GMDS: variants seen among roughly 807,000 people sequenced by gnomAD.
The protein encoded by GMDS is GDP-mannose 4,6-dehydratase.
Under a neutral mutation model 49.9 loss-of-function variants are expected in GMDS, and 20 were observed. That is an observed-to-expected ratio of 0.40 (90% CI 0.28 to 0.58). GMDS has a LOEUF of 0.58. Among genes scored for constraint, GMDS ranks in the 20% least tolerant of loss-of-function variants. The pLI is 0.42. For synonymous variants in GMDS, 177 were observed against 178.6 expected (o/e 0.99, Z 0.07); for missense variants, 362 against 481.4 (o/e 0.75, Z 2.32).
At chr6:1,824,771 A>G (rs1771039606) in intron 7 of GMDS, among the ~76,000 whole-genome samples, 1 of 152,142 alleles carries the variant, frequency 6.6e-6, no homozygotes, top group Non-Finnish European at 1.5e-5. Flanking sequence ...CCTATTAAGT[A>G]CCTGGTACTT....
intron 1 of GMDS, among the ~76,000 whole-genome samples, chr6:2,235,903 G>T (rs949639940): frequency 1.3e-5 from 2 of 151,924 alleles, no homozygotes; most frequent in African/African-American, 2.4e-5. Context: ...CAAACAAATG[G>T]TGTTGGGAGC....
At chr6:1,654,191 C>T (rs1306466044) in intron 9 of GMDS, among the ~76,000 whole-genome samples, 3 of 152,296 alleles carry the variant, frequency 2.0e-5, no homozygotes, top group Admixed American at 2.0e-4. Context: ...TAATGGAAAA[C>T]GAGTATGGTA....
chr6:1,644,057 G>C (rs1459816600), intron 9 of GMDS, among the ~76,000 whole-genome samples: 2 of 152,140 alleles, frequency 1.3e-5, no homozygotes, highest in Non-Finnish European at 2.9e-5. Flanking sequence ...CGCTGTGACT[G>C]ACATTGCCCC....
intron 7 of GMDS, among the ~76,000 whole-genome samples, chr6:1,760,834 G>C (rs1768128816): frequency 6.6e-6 from 1 of 152,090 alleles, no homozygotes; most frequent in South Asian, 2.1e-4. Context: ...CCACTATGAG[G>C]AGTATCTGAG....
intron 7 of GMDS, among the ~76,000 whole-genome samples, chr6:1,773,422 G>A (rs1238334635): frequency 6.6e-6 from 1 of 152,240 alleles, no homozygotes; most frequent in East Asian, 1.9e-4. Context: ...TGTTAGGCAT[G>A]AAATACATGT....
chr6:1,892,391 G>A (rs1759911611), intron 7 of GMDS, among the ~76,000 whole-genome samples: 2 of 152,026 alleles, frequency 1.3e-5, no homozygotes, highest in South Asian at 2.1e-4. Flanking sequence ...ATGGAATCTC[G>A]CTCTGTTGCC....
At chr6:1,901,063 G>A (rs1381886991) in intron 7 of GMDS, among the ~76,000 whole-genome samples, 1 of 152,220 alleles carries the variant, frequency 6.6e-6, no homozygotes, top group Non-Finnish European at 1.5e-5. Flanking sequence ...GAACGGCGAA[G>A]CGCTGGTAGC....
intron 7 of GMDS, among the ~76,000 whole-genome samples, chr6:1,757,440 A>G (rs963725475): frequency 1.3e-5 from 2 of 152,220 alleles, no homozygotes; most frequent in African/African-American, 4.8e-5. Context: ...TAGGAACAAC[A>G]TAAAAGCTCT....
intron 4 of GMDS, among the ~76,000 whole-genome samples, chr6:2,062,579 C>T (rs1280497822): frequency 6.6e-6 from 1 of 151,942 alleles, no homozygotes; most frequent in Non-Finnish European, 1.5e-5. Context: ...AAACTGTATC[C>T]AAAAATATGT....
At chr6:1,818,419 C>A (rs925489520) in intron 7 of GMDS, among the ~76,000 whole-genome samples, 1 of 151,988 alleles carries the variant, frequency 6.6e-6, no homozygotes, top group African/African-American at 2.4e-5. Flanking sequence ...ACCATCCTGG[C>A]CAACATGGTG....
At chr6:1,707,335 T>C (rs140879374) in intron 9 of GMDS, among the ~76,000 whole-genome samples, 1 of 152,364 alleles carries the variant, frequency 6.6e-6, no homozygotes, top group Admixed American at 6.5e-5. Context: ...TATCTATCTG[T>C]TGATCCATCT....
At chr6:2,158,634 T>C (rs1348770247) in intron 1 of GMDS, among the ~76,000 whole-genome samples, 1 of 152,230 alleles carries the variant, frequency 6.6e-6, no homozygotes, top group East Asian at 1.9e-4. Context: ...TCTTTGGCTA[T>C]CTGCTGGCCA....
intron 1 of GMDS, among the ~76,000 whole-genome samples, chr6:2,138,765 C>T (rs1345562200): frequency 6.6e-6 from 1 of 152,184 alleles, no homozygotes; most frequent in Non-Finnish European, 1.5e-5. Flanking sequence ...TTACTTCCAT[C>T]AATTCTTCAT....
chr6:2,245,144 C>G (rs1443621081), intron 1 of GMDS, among the ~76,000 whole-genome samples, 177 bp downstream of exon 1: 1 of 152,218 alleles, frequency 6.6e-6, no homozygotes, highest in East Asian at 1.9e-4. Flanking sequence ...TCCCGCACAC[C>G]CCACACGCAA....
chr6:1,698,310 G>A (rs570505731), intron 9 of GMDS, among the ~76,000 whole-genome samples: 72 of 152,348 alleles, frequency 4.7e-4, no homozygotes, highest in African/African-American at 1.7e-3. Context: ...GGCCTGGAAT[G>A]GGTGTACAAC....
At chr6:1,947,165 C>T (rs1016658713) in intron 6 of GMDS, among the ~76,000 whole-genome samples, 1 of 152,130 alleles carries the variant, frequency 6.6e-6, no homozygotes, top group African/African-American at 2.4e-5. Flanking sequence ...ATTTATGAAA[C>T]ATTCCTCAAT....
At position 1,766,332 on chromosome 6, in the gene GMDS, G is replaced by A. The variant is rs910882475; in HGVS notation, c.772-23746C>T. Among the ~76,000 whole-genome samples the A allele has an allele frequency of 6.6e-6, 1 of 152,150 alleles. No individual in the cohort carries two copies. Among genetic ancestry groups the A allele is most frequent in the Non-Finnish European group, 1.5e-5 (1 of 68,022 alleles). ...CAGATTCATTTGGGCTTCAGGAAACGCGGTGCATGAGCTGTTTCAGGTGCT... is the reference window on the plus strand; with the variant it reads ...CAGATTCATTTGGGCTTCAGGAAACACGGTGCATGAGCTGTTTCAGGTGCT... On this transcript the variant is annotated intron_variant, in intron 7 of 10. Transcript: ENST00000380815. This position sits in a 1 kb window ranked among gnomAD's most constrained non-coding sequence, Gnocchi z 4.5.
At chr6:2,097,414 A>AG (rs1162971060) in intron 4 of GMDS, among the ~76,000 whole-genome samples, 3 of 151,950 alleles carry the variant, frequency 2.0e-5, no homozygotes, top group African/African-American at 7.2e-5. Context: ...GAAGAGAAAG[A>AG]GGGTGCAGCT....
chr6:1,813,062 AT>A (rs1429102241), intron 7 of GMDS, among the ~76,000 whole-genome samples: 1 of 151,644 alleles, frequency 6.6e-6, no homozygotes, highest in Non-Finnish European at 1.5e-5. Context: ...TACCAAAAAA[AT>A]TTTTTTTAAT....
Sources: gnomAD v4.1 joint callset for allele counts (sites outside exome capture counted in the v4.1 genomes callset) on GRCh38, gnomAD v4.1.1 for gene constraint, Gnocchi (gnomAD v3.1) non-coding constraint, MANE v1.5 for transcripts, NCBI Gene and HGNC (gene_info 2026-07-23, HGNC 2026-07-21) for gene names.